The following HS6ST1 variants were observed in gnomAD, a reference collection of about 807,000 sequenced individuals.
HS6ST1 encodes the protein heparan-sulfate 6-O-sulfotransferase 1.
Under a neutral mutation model 25.2 loss-of-function variants are expected in HS6ST1, and 3 were observed. The observed-to-expected ratio is 0.12, with a 90% CI of 0.05 to 0.31. The LOEUF (loss-of-function observed/expected upper bound fraction) is 0.31, where lower values mean the gene tolerates loss of function less well. Among genes scored for constraint, HS6ST1 ranks in the 10% least tolerant of loss-of-function variants. The probability of loss-of-function intolerance (pLI) is 1.00; values close to 1 mark genes in which losing one functional copy is unlikely to be tolerated. For missense variants in HS6ST1, 310 were observed against 609.6 expected (o/e 0.51, Z 5.18); for synonymous variants, 204 against 275.1 (o/e 0.74, Z 2.56).
chr2:128,284,940 C>T (rs903781005), intron 1 of HS6ST1, among the ~76,000 whole-genome samples: 3 of 152,194 alleles, frequency 2.0e-5, no homozygotes, highest in Non-Finnish European at 4.4e-5. Context: ...TTTTCTGGAC[C>T]TGCCAGTGCT....
chr2:128,285,152 C>G (rs1693841445), intron 1 of HS6ST1, among the ~76,000 whole-genome samples: 1 of 152,246 alleles, frequency 6.6e-6, no homozygotes, highest in African/African-American at 2.4e-5. Flanking sequence ...CAGCAGTCCC[C>G]ATCTAGCCTG....
At chr2:128,269,935 A>T (rs1693587427) in intron 1 of HS6ST1, among the ~76,000 whole-genome samples, 1 of 152,156 alleles carries the variant, frequency 6.6e-6, no homozygotes, top group Non-Finnish European at 1.5e-5. Flanking sequence ...CCCGGGGAGC[A>T]CAAAGCGCTT....
chr2:128,309,680 G>A (rs980016664), intron 1 of HS6ST1, among the ~76,000 whole-genome samples: 1 of 152,218 alleles, frequency 6.6e-6, no homozygotes, highest in African/African-American at 2.4e-5. Flanking sequence ...GCCTTTTAAC[G>A]TTCTCTGTGT....
At chr2:128,302,015 G>A (rs571395795) in intron 1 of HS6ST1, among the ~76,000 whole-genome samples, 3 of 152,300 alleles carry the variant, frequency 2.0e-5, no homozygotes, top group South Asian at 4.1e-4. Flanking sequence ...CCTGGATAAA[G>A]TCATGCCCCA....
At chr2:128,316,370 A>G (rs1159462065) in intron 1 of HS6ST1, among the ~76,000 whole-genome samples, 11 of 151,970 alleles carry the variant, frequency 7.2e-5, no homozygotes, top group Non-Finnish European at 1.6e-4. Flanking sequence ...AAAGGGGGTG[A>G]CCCCCATCCT....
At chr2:128,284,293 C>A (rs559414932) in intron 1 of HS6ST1, among the ~76,000 whole-genome samples, 1 of 151,878 alleles carries the variant, frequency 6.6e-6, no homozygotes, top group South Asian at 2.1e-4. Flanking sequence ...TCCCCTCATC[C>A]ACAGGCGGCC....
In HS6ST1 at chr2:128,268,423, G is replaced by C. The variant is rs188637045; in HGVS notation, c.975C>G (p.Gly325=). Residue 325 remains glycine (G), a synonymous_variant, in exon 2 of 2, where the codon GGC becomes GGG. Coordinates refer to ENST00000259241, the MANE Select transcript of HS6ST1 (RefSeq NM_004807.3). ...TGGTGTCTTCATCCACCTCCACGCC[G>C]CCCGCCCGCGTGCTATTGTACTGCA... ...PFMQYNSTRA[G]GVEVDEDTIR... The C allele has an allele frequency of 6.2e-7, 1 of 1,613,604 alleles. No homozygotes were observed. The highest frequency in any genetic ancestry group is 1.7e-5 in the Admixed American group (1 of 60,016).
At chr2:128,309,940 G>A (rs902357221) in intron 1 of HS6ST1, among the ~76,000 whole-genome samples, 7 of 152,210 alleles carry the variant, frequency 4.6e-5, no homozygotes, top group African/African-American at 1.4e-4. Flanking sequence ...GGGATCATGC[G>A]GTCACCACGG....
chr2:128,307,448 G>A (rs928811131), intron 1 of HS6ST1, among the ~76,000 whole-genome samples: 1 of 152,232 alleles, frequency 6.6e-6, no homozygotes, highest in Admixed American at 6.5e-5. Flanking sequence ...GCCCTACCTG[G>A]TGCAGGCACC....
intron 1 of HS6ST1, among the ~76,000 whole-genome samples, chr2:128,280,258 G>A (rs186745724): frequency 1.3e-5 from 2 of 152,366 alleles, no homozygotes; most frequent in East Asian, 3.9e-4. Flanking sequence ...CGCCCCACTT[G>A]GGGCGGGTGG....
intron 1 of HS6ST1, among the ~76,000 whole-genome samples, chr2:128,275,843 C>T (rs546827054): frequency 6.6e-6 from 1 of 152,342 alleles, no homozygotes; most frequent in African/African-American, 2.4e-5. Flanking sequence ...AGATGCACGT[C>T]GCAGAGGAAC....
intron 1 of HS6ST1, among the ~76,000 whole-genome samples, chr2:128,316,530 TA>T (rs1355643980): frequency 3.9e-5 from 6 of 152,062 alleles, no homozygotes; most frequent in Admixed American, 3.3e-4. Context: ...GGACCAGGGT[TA>T]GGGGGGCCCT....
At position 128,269,840 on chromosome 2, in the gene HS6ST1, G is replaced by A. The variant is rs575251027; in HGVS notation, c.528-970C>T. ...GACCCCCCGCCAGGATTCCCCAGAT[G>A]GCAACATGGAAGTGTACCCACACTG... is the stretch of plus-strand genomic sequence containing the variant. On this transcript the variant is annotated intron_variant, in intron 1 of 1. Coordinates refer to ENST00000259241, the MANE Select transcript of HS6ST1 (RefSeq NM_004807.3). 3.9e-5 allele frequency among the ~76,000 whole-genome samples: 6 copies of A among 152,314 alleles called. No individual in the cohort carries two copies. In the South Asian group the frequency reaches 1.0e-3, roughly 26 times the overall value.
chr2:128,287,361 GC>G (rs533246016), intron 1 of HS6ST1, among the ~76,000 whole-genome samples: 1 of 152,130 alleles, frequency 6.6e-6, no homozygotes, highest in Non-Finnish European at 1.5e-5. Context: ...AGGGACAGCT[GC>G]CCCCCCTACT....
chr2:128,268,300 C>G lies in HS6ST1; in HGVS notation c.1098G>C (p.Glu366Asp). ...GGCTCCTCAGGCGCTGCTCCCTGCG[C>G]TCCAGCTGCCGCTTGTACTGGTAGC... Reference protein sequence around the residue: ...QQRYQYKRQLERREQRLRSRE... With the variant: ...QQRYQYKRQLDRREQRLRSRE... Residue 366 changes from glutamate to aspartate, a missense_variant, in exon 2 of 2, where the codon GAG (glutamate) becomes GAC (aspartate). Glu to Asp is a conservative substitution (Grantham distance 45). Around this residue, in one of 5 missense-constraint regions of HS6ST1, gnomAD observed 140 missense variants for 176.5 expected, o/e 0.79. Coordinates refer to ENST00000259241, the MANE Select transcript of HS6ST1 (RefSeq NM_004807.3). 1.9e-6 allele frequency: 3 copies of G among 1,613,112 alleles called. No individual in the cohort carries two copies. The highest frequency in any genetic ancestry group is 2.5e-6 in the Non-Finnish European group (3 of 1,179,836).
chr2:128,278,828 AT>A (rs1349423451), intron 1 of HS6ST1, among the ~76,000 whole-genome samples: 1 of 152,108 alleles, frequency 6.6e-6, no homozygotes, highest in Non-Finnish European at 1.5e-5. Context: ...GAGATAATGA[AT>A]TTTTTTCAAC....
intron 1 of HS6ST1, among the ~76,000 whole-genome samples, chr2:128,281,693 T>A (rs1453874439): frequency 6.6e-6 from 1 of 152,166 alleles, no homozygotes; most frequent in Non-Finnish European, 1.5e-5. Context: ...ACTGCTGCCC[T>A]GTTTTGGCCT....
chr2:128,271,689 C>T (rs540665834), intron 1 of HS6ST1, among the ~76,000 whole-genome samples: 22 of 152,334 alleles, frequency 1.4e-4, no homozygotes, highest in Non-Finnish European at 3.1e-4. Context: ...TCACAGTGGG[C>T]GGCTGCAGCC....
chr2:128,306,170 A>G (rs1162635753), intron 1 of HS6ST1, among the ~76,000 whole-genome samples: 1 of 152,126 alleles, frequency 6.6e-6, no homozygotes, highest in Non-Finnish European at 1.5e-5. Context: ...CCCAGACTGC[A>G]CCCTCGGGAC....
Sources: gnomAD v4.1 joint callset for allele counts (sites outside exome capture counted in the v4.1 genomes callset) on GRCh38, gnomAD v4.1.1 for gene constraint, gnomAD v4.1.1 regional missense constraint, MANE v1.5 for transcripts, NCBI Gene and HGNC (gene_info 2026-07-23, HGNC 2026-07-21) for gene names.